Variants in NELL2 observed in about 807,000 individuals in gnomAD.
The protein encoded by NELL2 is neural EGFL like 2, also known as protein kinase C-binding protein NELL2.
In NELL2, 41 loss-of-function variants were observed where a neutral mutation model predicts 109.6. The observed-to-expected ratio is 0.37, with a 90% confidence interval of 0.29 to 0.49. NELL2 has a LOEUF of 0.49. Among genes scored for constraint, NELL2 ranks in the 20% least tolerant of loss-of-function variants. NELL2 has a pLI of 0.98. For missense variants in NELL2, 900 were observed against 1,008.3 expected (o/e 0.89, Z 1.45); for synonymous variants, 355 against 344.7 (o/e 1.03, Z -0.33).
intron 9 of NELL2, among the ~76,000 whole-genome samples, chr12:44,735,286 C>A (rs1424280911): frequency 6.6e-6 from 1 of 152,020 alleles, no homozygotes; most frequent in African/African-American, 2.4e-5. Context: ...TCCTTGGATG[C>A]CTAGTAGTAG....
At chr12:44,868,325 T>G (rs1346652349) in intron 2 of NELL2, among the ~76,000 whole-genome samples, 1 of 152,146 alleles carries the variant, frequency 6.6e-6, no homozygotes, top group African/African-American at 2.4e-5. Context: ...GGTCATGGAT[T>G]CAAAGAATTA....
chr12:44,593,010 G>A (rs940429988), intron 15 of NELL2, among the ~76,000 whole-genome samples: 2 of 152,164 alleles, frequency 1.3e-5, no homozygotes, highest in African/African-American at 4.8e-5. Context: ...TTGTATGGGT[G>A]TTGCTTTGAG....
intron 1 of NELL2, among the ~76,000 whole-genome samples, chr12:44,892,797 CAAA>C (rs57230571): frequency 0.017 from 1,003 of 57,664 alleles, 5 homozygotes; most frequent in East Asian, 0.063. Context: ...GACTCTGTCT[CAAA>C]AAAAAAAAAA....
intron 2 of NELL2, among the ~76,000 whole-genome samples, chr12:44,872,880 A>G (rs1945204849): frequency 6.6e-6 from 1 of 152,172 alleles, no homozygotes. Flanking sequence ...AATCTATAAA[A>G]TCTTCAGTCT....
intron 13 of NELL2, among the ~76,000 whole-genome samples, chr12:44,626,636 T>C (rs1363772374): frequency 6.6e-6 from 1 of 152,180 alleles, no homozygotes; most frequent in East Asian, 1.9e-4. Context: ...AGAGAATTTG[T>C]TTACAGTAGA....
chr12:44,654,561 T>C (rs573339722), intron 13 of NELL2, among the ~76,000 whole-genome samples: 1 of 152,226 alleles, frequency 6.6e-6, no homozygotes, highest in East Asian at 1.9e-4. Context: ...AGGATGTCAG[T>C]TCCTATTGGA....
chr12:44,694,897 G>A (rs766436377), intron 12 of NELL2, among the ~76,000 whole-genome samples: 30 of 152,100 alleles, frequency 2.0e-4, no homozygotes, highest in Non-Finnish European at 7.4e-5. Context: ...AATCCTTTCA[G>A]ATTTCCTCTA....
At position 44,508,435 on chromosome 12, in the gene NELL2, C is replaced by T. The variant is rs531766712; in HGVS notation, c.*499G>A. 1 of 152,776 alleles carries T rather than the reference C, an allele frequency of 6.5e-6. No homozygotes were observed. The highest frequency in any genetic ancestry group is 2.4e-5 in the African/African-American group (1 of 41,578). 9.5% of individuals were successfully genotyped at this position (152,776 alleles called of 1,614,324 possible). A position where few individuals can be genotyped will look rare whatever the true frequency, so the allele number is the denominator to read the frequency against. ...AACCATGCCTGTGCATTATTTTTAT[C>T]ATTACAATAACTTGTTTCAGATTTC... On this transcript the variant is annotated 3_prime_UTR_variant, in exon 20 of 20. Transcript: ENST00000429094.
intron 12 of NELL2, among the ~76,000 whole-genome samples, chr12:44,677,705 TA>T (rs913591378): frequency 1.3e-5 from 2 of 151,840 alleles, no homozygotes; most frequent in African/African-American, 2.4e-5. Context: ...TGAGGCAGAT[TA>T]AAAAAAATAC....
At chr12:44,897,973 C>A (rs768179203) in intron 1 of NELL2, among the ~76,000 whole-genome samples, 1 of 152,188 alleles carries the variant, frequency 6.6e-6, no homozygotes, top group African/African-American at 2.4e-5. Flanking sequence ...AGGTGCTTTT[C>A]CCCTCACAGT....
At chr12:44,531,989 T>G (rs1942084213) in intron 16 of NELL2, among the ~76,000 whole-genome samples, 1 of 152,172 alleles carries the variant, frequency 6.6e-6, no homozygotes, top group African/African-American at 2.4e-5. Context: ...CTGTTGAAAA[T>G]AATTCAAAAT....
intron 9 of NELL2, among the ~76,000 whole-genome samples, chr12:44,720,031 CCTT>C (rs961566584): frequency 8.0e-5 from 4 of 50,100 alleles, no homozygotes; most frequent in Non-Finnish European, 3.3e-4. Flanking sequence ...CTGCCTACAA[CCTT>C]TTTTTGTTAA....
At chr12:44,772,204 A>G (rs1318840929) in intron 9 of NELL2, among the ~76,000 whole-genome samples, 7 of 152,212 alleles carry the variant, frequency 4.6e-5, no homozygotes, top group Non-Finnish European at 1.5e-5. Flanking sequence ...CATAAATTAT[A>G]ACAGTGACAC....
chr12:44,890,193 T>A lies in NELL2; in HGVS notation c.39-14293A>T, dbSNP rs1945517942. ...CTTGGCCAAAGGCTGGAGCTGAGAA[T>A]GCAAACATAAAGAAAGAGCTGCTGA... On this transcript the variant is annotated intron_variant, in intron 1 of 20. Transcript: ENST00000333837. Among the ~76,000 whole-genome samples, 2 of 152,126 alleles carry A rather than the reference T, an allele frequency of 1.3e-5. 1 individual carries two copies. Among genetic ancestry groups the A allele is most frequent in the Non-Finnish European group, 2.9e-5 (2 of 68,028 alleles).
At chr12:44,639,747 C>T (rs959941365) in intron 13 of NELL2, among the ~76,000 whole-genome samples, 1 of 152,110 alleles carries the variant, frequency 6.6e-6, no homozygotes, top group African/African-American at 2.4e-5. Flanking sequence ...CCACACAGTT[C>T]TTACAGCAAT....
chr12:44,803,770 A>G (rs973885759), intron 3 of NELL2, among the ~76,000 whole-genome samples: 1 of 151,980 alleles, frequency 6.6e-6, no homozygotes, highest in Non-Finnish European at 1.5e-5. Context: ...TTTAGAAACT[A>G]TTCATCAATT....
chr12:44,740,969 T>C (rs752472399), intron 9 of NELL2, among the ~76,000 whole-genome samples: 6 of 152,330 alleles, frequency 3.9e-5, no homozygotes, highest in Middle Eastern at 3.4e-3. Flanking sequence ...AACACTTATA[T>C]GGAGCTTACT....
intron 9 of NELL2, among the ~76,000 whole-genome samples, chr12:44,725,785 T>C (rs1939044091): frequency 1.3e-5 from 2 of 152,136 alleles, no homozygotes; most frequent in South Asian, 4.2e-4. Flanking sequence ...CACTTATAAG[T>C]GGGAACTAAA....
At chr12:44,860,621 C>T (rs1051827328) in intron 2 of NELL2, among the ~76,000 whole-genome samples, 3 of 152,214 alleles carry the variant, frequency 2.0e-5, no homozygotes, top group Non-Finnish European at 4.4e-5. Flanking sequence ...TTGCATCACA[C>T]TGACACATAC....
Sources: allele counts gnomAD v4.1 joint callset (sites outside exome capture counted in the v4.1 genomes callset), GRCh38; gene constraint gnomAD v4.1.1; transcripts MANE v1.5; gene names NCBI Gene and HGNC (gene_info 2026-07-23, HGNC 2026-07-21).